Variants in UIMC1 observed in about 807,000 individuals in gnomAD.
UIMC1 encodes ubiquitin interaction motif containing 1, also known as BRCA1-A complex subunit RAP80.
A neutral mutation model predicts 84.9 loss-of-function variants in UIMC1; 42 were observed. The observed-to-expected ratio is 0.49, with a 90% CI of 0.39 to 0.64. UIMC1 has a LOEUF of 0.64. UIMC1 is among the 30% of genes least tolerant of loss of function. UIMC1 has a pLI of 0.00. For missense variants in UIMC1, 825 were observed against 847.6 expected, an observed-to-expected ratio of 0.97 and a Z score of 0.33; for synonymous variants, 281 against 293.0, an observed-to-expected ratio of 0.96 and a Z score of 0.42.
chr5:176,972,918 CTTT>C (rs56373708), intron 3 of UIMC1, among the ~76,000 whole-genome samples: 15 of 137,934 alleles, frequency 1.1e-4, no homozygotes, highest in African/African-American at 1.4e-4. Context: ...CTGGCAACTT[CTTT>C]TTTTTTTTTT....
At chr5:177,006,230 T>C (rs940253095) in intron 1 of UIMC1, 4 of 152,162 alleles carry the variant, frequency 2.6e-5, no homozygotes, top group African/African-American at 9.7e-5. Flanking sequence ...AACCTGGCGT[T>C]CCGAGGGGCC....
chr5:176,968,647 G>A lies in UIMC1; in HGVS notation c.1108C>T (p.His370Tyr), dbSNP rs1768687995. ...TCCTGGAAATCCTTGGTTTTTGAGT[G>A]CCAGTCAGATGCCCTAGACTCCTGC... ...ERQESRASDW[H>Y]SKTKDFQESS... Residue 370 changes from histidine (H) to tyrosine (Y), a missense_variant, in exon 6 of 15, where the codon CAC becomes TAC. Physicochemically the swap from His to Tyr is moderately conservative, Grantham distance 83 (BLOSUM62 2). Coordinates refer to ENST00000511320, the MANE Select transcript of UIMC1 (RefSeq NM_001199298.2). The A allele has an allele frequency of 6.2e-7, 1 of 1,613,996 alleles. No homozygotes were observed.
At chr5:176,928,908 G>A (rs527638281) in intron 10 of UIMC1, among the ~76,000 whole-genome samples, 4 of 151,526 alleles carry the variant, frequency 2.6e-5, no homozygotes, top group African/African-American at 9.7e-5. Flanking sequence ...AGGAGATCGC[G>A]CCACTGCACT....
In UIMC1 at chr5:176,955,964, C is replaced by A. The variant is rs371814083; in HGVS notation, c.1334G>T (p.Cys445Phe). 228 of 1,613,410 alleles carry A rather than the reference C, an allele frequency of 1.4e-4. No homozygotes were observed. Among genetic ancestry groups the A allele is most frequent in the Non-Finnish European group, 1.8e-4 (217 of 1,179,666 alleles). Reference sequence around the variant, plus strand: ...AATCACAGTGGGGTACTTACCAGGACAAACAGTGATTTCTTCTGCAGAACT... The same window carrying A: ...AATCACAGTGGGGTACTTACCAGGAAAAACAGTGATTTCTTCTGCAGAACT... ...PESSAEEITV[C>F]PETQLSSSET... The change falls in exon 8 of 15, where the codon TGT becomes TTT. Residue 445 changes from cysteine to phenylalanine, a missense_variant. Coordinates refer to ENST00000511320, the MANE Select transcript of UIMC1 (RefSeq NM_001199298.2).
chr5:176,959,734 A>G (rs1238995142), intron 6 of UIMC1, among the ~76,000 whole-genome samples: 3 of 142,200 alleles, frequency 2.1e-5, no homozygotes, highest in African/African-American at 7.9e-5. Flanking sequence ...AAAAAAAAAA[A>G]AAATTATTGT....
intron 10 of UIMC1, among the ~76,000 whole-genome samples, chr5:176,929,165 G>C (rs1471581745): frequency 1.3e-5 from 2 of 151,966 alleles, no homozygotes; most frequent in Non-Finnish European, 2.9e-5. Flanking sequence ...TGAGGCAGGA[G>C]AATCACTTGA....
chr5:176,907,731 G>A lies in UIMC1; in HGVS notation c.1849-554C>T, dbSNP rs1759578331. Among the ~76,000 whole-genome samples, 3 of 152,310 alleles carry A rather than the reference G, an allele frequency of 2.0e-5. No homozygotes were observed. In the South Asian group the frequency reaches 6.2e-4, roughly 32 times the overall value. Reference sequence around the variant, plus strand: ...GGGCCCAGACCTGGCAGCTTCCTAAGGAGTTCGACAGAGTTGATCTCACAT... The same window carrying A: ...GGGCCCAGACCTGGCAGCTTCCTAAAGAGTTCGACAGAGTTGATCTCACAT... On this transcript the variant is annotated intron_variant, in intron 12 of 14. Coordinates refer to ENST00000511320, the MANE Select transcript of UIMC1 (RefSeq NM_001199298.2).
intron 1 of UIMC1, among the ~76,000 whole-genome samples, chr5:177,015,946 T>C (rs1375536205): frequency 6.6e-6 from 1 of 152,058 alleles, no homozygotes; most frequent in Non-Finnish European, 1.5e-5. Context: ...GGCGCACATC[T>C]GTAATCCCAG....
chr5:176,933,781 C>T lies in UIMC1; in HGVS notation c.1597+9554G>A, dbSNP rs115739450. On this transcript the variant is annotated intron_variant, in intron 10 of 14. Coordinates refer to ENST00000511320, the MANE Select transcript of UIMC1 (RefSeq NM_001199298.2). Reference sequence around the variant, plus strand: ...GAACTCCTGGCTTTAACTGATCCTCCCACCTCAGCGTCCCAATGTGCTTGG... The same window carrying T: ...GAACTCCTGGCTTTAACTGATCCTCTCACCTCAGCGTCCCAATGTGCTTGG... Among the ~76,000 whole-genome samples, 1,383 of 152,176 alleles carry T rather than the reference C, an allele frequency of 9.1e-3. 8 individuals carry two copies. Among genetic ancestry groups the T allele is most frequent in the South Asian group, 0.025 (121 of 4,818 alleles).
chr5:176,931,682 A>G (rs1031597131), intron 10 of UIMC1, among the ~76,000 whole-genome samples: 1 of 152,248 alleles, frequency 6.6e-6, no homozygotes, highest in African/African-American at 2.4e-5. Context: ...AAGTTGAACA[A>G]AAGTTGTTAG....
chr5:176,907,038 T>G, intron 13 of UIMC1, 76 bp downstream of exon 13: 3 of 1,466,586 alleles, frequency 2.0e-6, no homozygotes, highest in South Asian at 1.2e-5. Flanking sequence ...CAGCAAATAG[T>G]CAGGGGGCTG....
At chr5:176,952,452 T>A (rs1008407210) in intron 8 of UIMC1, among the ~76,000 whole-genome samples, 1 of 152,208 alleles carries the variant, frequency 6.6e-6, no homozygotes, top group Non-Finnish European at 1.5e-5. Flanking sequence ...GAAAACTAGA[T>A]ACAGCTCATG....
At chr5:176,908,400 G>T (rs927083862) in intron 12 of UIMC1, 123 bp downstream of exon 12, 2 of 985,390 alleles carry the variant, frequency 2.0e-6, no homozygotes, top group Non-Finnish European at 1.4e-6. Flanking sequence ...CACAAATCTT[G>T]TTTCAAGATA....
At chr5:176,999,525 AC>A (rs1483620196) in intron 1 of UIMC1, among the ~76,000 whole-genome samples, 2 of 151,632 alleles carry the variant, frequency 1.3e-5, no homozygotes, top group African/African-American at 2.4e-5. Context: ...TTTGGTACCC[AC>A]TAACCATCCC....
chr5:176,968,724 T>C lies in UIMC1; in HGVS notation c.1031A>G (p.Glu344Gly). The change falls in exon 6 of 15, where the codon GAG becomes GGG. Residue 344 changes from glutamate to glycine, a missense_variant. Coordinates refer to ENST00000511320, the MANE Select transcript of UIMC1 (RefSeq NM_001199298.2). ...ATCTTCTGAGATGCATTCATTTTTCTCACTAGCCTGCTCTCCTTGGCCACA... is the reference window on the plus strand; with the variant it reads ...ATCTTCTGAGATGCATTCATTTTTCCCACTAGCCTGCTCTCCTTGGCCACA... ...NECGQGEQAS[E>G]KNECISEDMG... 6.2e-7 allele frequency: 1 copy of C among 1,614,174 alleles called. No individual in the cohort carries two copies. Among genetic ancestry groups the C allele is most frequent in the African/African-American group, 1.3e-5 (1 of 75,050 alleles).
intron 10 of UIMC1, among the ~76,000 whole-genome samples, chr5:176,920,009 T>A (rs1761503656): frequency 6.6e-6 from 1 of 152,030 alleles, no homozygotes; most frequent in Non-Finnish European, 1.5e-5. Context: ...TTAGCTGGGA[T>A]TTTTGTGGGG....
At chr5:176,954,176 C>G (rs1766271490) in intron 8 of UIMC1, among the ~76,000 whole-genome samples, 1 of 152,132 alleles carries the variant, frequency 6.6e-6, no homozygotes, top group Admixed American at 6.6e-5. Context: ...ATTAACTAGG[C>G]CTTTCAAGAT....
At position 176,923,963 on chromosome 5, in the gene UIMC1, T is replaced by G. The variant is rs539719581; in HGVS notation, c.1598-12574A>C. 2.6e-5 allele frequency among the ~76,000 whole-genome samples: 4 copies of G among 151,492 alleles called. No individual in the cohort carries two copies. The South Asian group carries it at 8.3e-4, about 32-fold the overall frequency. On this transcript the variant is annotated intron_variant, in intron 10 of 14. Coordinates refer to ENST00000511320, the MANE Select transcript of UIMC1 (RefSeq NM_001199298.2). ...CATTATCAGGGATAAAACTGGAAAT[T>G]ACATCGTATATTTACATGTTGGCTC...
intron 1 of UIMC1, among the ~76,000 whole-genome samples, chr5:177,018,214 G>T (rs575351818): frequency 1.3e-5 from 2 of 152,108 alleles, no homozygotes; most frequent in Non-Finnish European, 2.9e-5. Flanking sequence ...AGCTTGGTGT[G>T]GTGGTGCACA....
Sources: gnomAD v4.1 joint callset for allele counts (sites outside exome capture counted in the v4.1 genomes callset) on GRCh38, gnomAD v4.1.1 for gene constraint, MANE v1.5 for transcripts, NCBI Gene and HGNC (gene_info 2026-07-23, HGNC 2026-07-21) for gene names.